Variants in RBM26 observed in about 807,000 individuals in gnomAD.
The protein encoded by RBM26 is RNA-binding protein 26.
RBM26 carries 30 observed loss-of-function variants against 123.6 expected under a neutral mutation model. The observed-to-expected ratio is 0.24, with a 90% CI of 0.18 to 0.33. The LOEUF is 0.33. Ranked by LOEUF, RBM26 falls within the 10% of genes least tolerant of loss-of-function variation. The pLI is 1.00. For missense variants in RBM26, 947 were observed against 1,203.6 expected, an observed-to-expected ratio of 0.79 and a Z score of 3.15; for synonymous variants, 400 against 404.4, an observed-to-expected ratio of 0.99 and a Z score of 0.13.
intron 1 of RBM26, 89 bp downstream of exon 1, chr13:79,405,615 C>A: frequency 7.0e-6 from 6 of 863,218 alleles, no homozygotes; most frequent in Non-Finnish European, 8.7e-6. Context: ...TCGGCCTCCA[C>A]CGCAGGCACT....
chr13:79,402,637 T>A (rs2079147972), intron 1 of RBM26, among the ~76,000 whole-genome samples: 1 of 152,126 alleles, frequency 6.6e-6, no homozygotes, highest in Non-Finnish European at 1.5e-5. Flanking sequence ...CTCCAACATA[T>A]CTTTTTTGTC....
chr13:79,327,710 A>C (rs1328905050), intron 20 of RBM26, among the ~76,000 whole-genome samples: 1 of 152,164 alleles, frequency 6.6e-6, no homozygotes, highest in Non-Finnish European at 1.5e-5. Flanking sequence ...TAAAATAGCA[A>C]TAAAAAGATG....
chr13:79,337,858 T>G (rs2070708129), intron 18 of RBM26, among the ~76,000 whole-genome samples: 1 of 152,232 alleles, frequency 6.6e-6, no homozygotes, highest in Non-Finnish European at 1.5e-5. Context: ...ATACTTAATG[T>G]GCACTTTCTG....
Position 79,344,810 on chromosome 13 carries a change from C to G in RBM26, c.2059-16G>C. 6.2e-7 allele frequency: 1 copy of G among 1,606,302 alleles called. No homozygotes were observed. The highest frequency in any genetic ancestry group is 8.5e-7 in the Non-Finnish European group (1 of 1,177,312). On this transcript the variant is annotated splice_polypyrimidine_tract_variant and intron_variant, in intron 14 of 21. Coordinates refer to ENST00000438737, the MANE Select transcript of RBM26 (RefSeq NM_001366735.2). ...TAGACAACACCTACCAATACAAATTCAACTTTTAAAAATATATATCAGCCG... is the reference window on the plus strand; with the variant it reads ...TAGACAACACCTACCAATACAAATTGAACTTTTAAAAATATATATCAGCCG...
intron 1 of RBM26, among the ~76,000 whole-genome samples, chr13:79,395,395 C>T (rs6563106): frequency 0.99 from 150,271 of 152,270 alleles, 74,190 homozygotes; most frequent in East Asian, 1. Context: ...AATAAAAAAT[C>T]TGAATCAGAA....
intron 1 of RBM26, 22 bp downstream of exon 1, chr13:79,405,682 G>A: frequency 2.6e-6 from 4 of 1,559,196 alleles, no homozygotes; most frequent in East Asian, 2.4e-5. Context: ...TCCCTGCAAA[G>A]AGATATCCCC....
At chr13:79,379,092 A>G (rs2076871246) in intron 1 of RBM26, among the ~76,000 whole-genome samples, 185 bp from the exon 2 acceptor site, 1 of 152,186 alleles carries the variant, frequency 6.6e-6, no homozygotes, top group Non-Finnish European at 1.5e-5. Flanking sequence ...TGCTATGTGT[A>G]GCCATTTTAT....
At chr13:79,315,794 C>T (rs1448783565), downstream of RBM26, among the ~76,000 whole-genome samples, 2 of 151,762 alleles carry the variant, frequency 1.3e-5, no homozygotes, top group Non-Finnish European at 3.0e-5. Flanking sequence ...ATGGGAATGG[C>T]AGTCATGTTC....
intron 12 of RBM26, 95 bp from the exon 13 acceptor site, chr13:79,354,665 A>G (rs2139523687): frequency 8.7e-7 from 1 of 1,155,722 alleles, no homozygotes; most frequent in East Asian, 2.8e-5. Context: ...CATGCAGAGA[A>G]AGTTTTTAAA....
intron 20 of RBM26, among the ~76,000 whole-genome samples, chr13:79,324,196 T>G (rs2068052067): frequency 6.6e-6 from 1 of 151,794 alleles, no homozygotes; most frequent in Non-Finnish European, 1.5e-5. Flanking sequence ...TATATTTTTC[T>G]ACACACATAC....
At chr13:79,387,523 C>T (rs1041748483) in intron 1 of RBM26, among the ~76,000 whole-genome samples, 1 of 150,502 alleles carries the variant, frequency 6.6e-6, no homozygotes, top group East Asian at 1.9e-4. Context: ...TATAATCCTG[C>T]GTTAGCATTT....
intron 5 of RBM26, among the ~76,000 whole-genome samples, chr13:79,370,146 A>T (rs2075733016): frequency 1.3e-5 from 2 of 151,684 alleles, no homozygotes; most frequent in South Asian, 4.2e-4. Context: ...CCCCAACGTG[A>T]CTCTACCAAA....
At chr13:79,364,668 T>A (rs2075068625) in intron 9 of RBM26, among the ~76,000 whole-genome samples, 2 of 145,496 alleles carry the variant, frequency 1.4e-5, no homozygotes, top group Admixed American at 6.7e-5. Flanking sequence ...TACATTTACA[T>A]CTCTAGTGTA....
intron 1 of RBM26, among the ~76,000 whole-genome samples, chr13:79,398,764 T>C (rs909797382): frequency 6.6e-6 from 1 of 152,072 alleles, no homozygotes; most frequent in Non-Finnish European, 1.5e-5. Flanking sequence ...GGAGTAAAAA[T>C]GGAAAGAAGT....
chr13:79,371,210 C>T (rs774734461), intron 4 of RBM26, 48 bp from the exon 5 acceptor site: 1 of 1,446,296 alleles, frequency 6.9e-7, no homozygotes, highest in East Asian at 2.3e-5. Context: ...TTAAGTGACA[C>T]AGGAAAAAGC....
chr13:79,348,893 G>A (rs982850783), intron 14 of RBM26, among the ~76,000 whole-genome samples: 42 of 152,254 alleles, frequency 2.8e-4, no homozygotes, highest in African/African-American at 9.4e-4. Context: ...TTAATGCACT[G>A]ATCTACCTTA....
intron 20 of RBM26, among the ~76,000 whole-genome samples, chr13:79,323,267 T>G (rs2067914580): frequency 6.6e-6 from 1 of 151,518 alleles, no homozygotes; most frequent in Non-Finnish European, 1.5e-5. Context: ...CACACAAGAT[T>G]TATAATACAA....
At chr13:79,384,963 C>T (rs1305197424) in intron 1 of RBM26, among the ~76,000 whole-genome samples, 2 of 152,036 alleles carry the variant, frequency 1.3e-5, no homozygotes, top group Non-Finnish European at 2.9e-5. Context: ...ATATAACTCA[C>T]GGAATTTAAC....
At chr13:79,360,756 A>G (rs948749990) in intron 9 of RBM26, among the ~76,000 whole-genome samples, 1 of 152,146 alleles carries the variant, frequency 6.6e-6, no homozygotes, top group African/African-American at 2.4e-5. Context: ...AAGAGCTGTA[A>G]AAGTCTGTTA....
Sources: gnomAD v4.1 joint callset for allele counts (sites outside exome capture counted in the v4.1 genomes callset) on GRCh38, gnomAD v4.1.1 for gene constraint, MANE v1.5 for transcripts, NCBI Gene and HGNC (gene_info 2026-07-23, HGNC 2026-07-21) for gene names.